The following BTAF1 variants were observed in gnomAD, a reference collection of about 807,000 sequenced individuals.
BTAF1 encodes TATA-binding protein-associated factor 172.
Under a neutral mutation model 227.1 loss-of-function variants are expected in BTAF1, and 38 were observed. That is an observed-to-expected ratio of 0.17 (90% CI 0.13 to 0.22). BTAF1 has a LOEUF of 0.22. Ranked by LOEUF, BTAF1 falls within the 10% of genes least tolerant of loss-of-function variation. The pLI, the probability that BTAF1 is intolerant of heterozygous loss-of-function variation, is 1.00. For synonymous variants in BTAF1, 742 were observed against 751.9 expected (o/e 0.99, Z 0.21); for missense variants, 1,598 against 2,204.0 (o/e 0.73, Z 5.51).
chr10:92,026,834 T>C, intron 36 of BTAF1, 83 bp downstream of exon 36: 2 of 1,425,282 alleles, frequency 1.4e-6, no homozygotes, highest in Non-Finnish European at 1.9e-6. Flanking sequence ...TTGGTTTAGT[T>C]CTTGCTCTGG....
At chr10:91,936,540 A>G (rs1389400309) in intron 2 of BTAF1, among the ~76,000 whole-genome samples, 1 of 150,118 alleles carries the variant, frequency 6.7e-6, no homozygotes, top group Non-Finnish European at 1.5e-5. Flanking sequence ...TTCTCAGCAT[A>G]CACATCTGTA....
At chr10:92,014,061 G>GC in intron 32 of BTAF1, 32 bp downstream of exon 32, 2 of 1,593,148 alleles carry the variant, frequency 1.3e-6, no homozygotes, top group Non-Finnish European at 1.7e-6. Context: ...ATTGTTAGTG[G>GC]TATGTTTATT....
chr10:92,022,610 A>C (rs1851217807), intron 34 of BTAF1, among the ~76,000 whole-genome samples: 1 of 151,954 alleles, frequency 6.6e-6, no homozygotes, highest in African/African-American at 2.4e-5. Context: ...TAGAGATGGG[A>C]TCTTCCTATG....
chr10:91,943,748 C>G (rs1202852247), intron 4 of BTAF1, among the ~76,000 whole-genome samples: 1 of 152,154 alleles, frequency 6.6e-6, no homozygotes, highest in Non-Finnish European at 1.5e-5. Flanking sequence ...AGTTTACTAA[C>G]TTTACTAGTG....
At chr10:91,981,532 A>T in intron 15 of BTAF1, 111 bp from the exon 16 acceptor site, 2 of 1,119,112 alleles carry the variant, frequency 1.8e-6, no homozygotes, top group Non-Finnish European at 2.4e-6. Context: ...TTTCTAAATT[A>T]ATCTCTGTGC....
chr10:91,974,365 C>T (rs982103043), intron 14 of BTAF1, among the ~76,000 whole-genome samples: 1 of 152,178 alleles, frequency 6.6e-6, no homozygotes, highest in African/African-American at 2.4e-5. Flanking sequence ...GCATGCACAT[C>T]TCTAAAATGT....
intron 1 of BTAF1, among the ~76,000 whole-genome samples, chr10:91,931,728 G>A (rs1844287318): frequency 1.3e-5 from 2 of 152,162 alleles, no homozygotes; most frequent in African/African-American, 4.8e-5. Flanking sequence ...TACCCTGCTT[G>A]CCTCATAGCT....
At chr10:91,935,974 C>G (rs755013461) in intron 2 of BTAF1, among the ~76,000 whole-genome samples, 194 bp downstream of exon 2, 2 of 147,626 alleles carry the variant, frequency 1.4e-5, no homozygotes, top group Non-Finnish European at 3.0e-5. Context: ...GAGTATAGAT[C>G]GTTTTGCCTG....
intron 21 of BTAF1, among the ~76,000 whole-genome samples, chr10:91,993,129 T>C (rs1348288387): frequency 6.6e-6 from 1 of 152,218 alleles, no homozygotes; most frequent in African/African-American, 2.4e-5. Flanking sequence ...ATAATAATTG[T>C]AATAAAAATT....
chr10:91,994,549 C>T lies in BTAF1; in HGVS notation c.3214C>T (p.Leu1072=), dbSNP rs1849009660. 1.2e-6 allele frequency: 2 copies of T among 1,611,348 alleles called. No homozygotes were observed. Among genetic ancestry groups the T allele is most frequent in the Admixed American group, 1.7e-5 (1 of 59,704 alleles). The change falls in exon 23 of 38, where the codon CTG becomes TTG. Residue 1072 remains leucine (L), a synonymous_variant. Coordinates refer to ENST00000265990, the MANE Select transcript of BTAF1 (RefSeq NM_003972.3). ...DINNFDGKSL[L]DKGDSPAQEL... The stretch of plus-strand genomic sequence containing the variant: ...TATTTTAACAGATGGAAAATCCCTC[C>T]TGGATAAGGGAGATAGCCCTGCTCA...
At chr10:91,932,022 T>C (rs1844305145) in intron 1 of BTAF1, among the ~76,000 whole-genome samples, 1 of 152,112 alleles carries the variant, frequency 6.6e-6, no homozygotes, top group Non-Finnish European at 1.5e-5. Context: ...GGCATTTGGC[T>C]GGTGGGAGAG....
At chr10:91,958,075 G>A (rs1281481638) in intron 8 of BTAF1, among the ~76,000 whole-genome samples, 3 of 152,026 alleles carry the variant, frequency 2.0e-5, no homozygotes, top group Non-Finnish European at 4.4e-5. Flanking sequence ...TTGAGATGGA[G>A]TCTCACTCTG....
chr10:91,945,450 C>A (rs1038695897), intron 4 of BTAF1, among the ~76,000 whole-genome samples: 1 of 152,082 alleles, frequency 6.6e-6, no homozygotes, highest in Non-Finnish European at 1.5e-5. Flanking sequence ...ATCCCCATTT[C>A]CCCCTTTCCC....
chr10:91,924,135 A>G, intron 1 of BTAF1, 45 bp downstream of exon 1: 1 of 1,599,544 alleles, frequency 6.3e-7, no homozygotes, highest in Non-Finnish European at 8.5e-7. Flanking sequence ...GATTCAGGGA[A>G]GGCATGGTCT....
intron 14 of BTAF1, among the ~76,000 whole-genome samples, chr10:91,973,498 TAATC>T (rs1317041918): frequency 1.3e-5 from 2 of 152,130 alleles, no homozygotes; most frequent in African/African-American, 4.8e-5. Flanking sequence ...GTGATAATAA[TAATC>T]TAAGCTGTTG....
At chr10:91,939,875 A>G (rs1844875986) in intron 2 of BTAF1, 77 bp from the exon 3 acceptor site, 1 of 878,120 alleles carries the variant, frequency 1.1e-6, no homozygotes. Context: ...TAACAAGTAA[A>G]TTTGTATTTC....
At chr10:91,965,817 C>A (rs1846869249) in intron 13 of BTAF1, among the ~76,000 whole-genome samples, 3 of 151,040 alleles carry the variant, frequency 2.0e-5, no homozygotes, top group African/African-American at 7.4e-5. Flanking sequence ...AAAATAAATA[C>A]AAGAAGGTAG....
intron 20 of BTAF1, among the ~76,000 whole-genome samples, chr10:91,991,265 A>AATATATATATAT (rs375232605): frequency 1.1e-5 from 1 of 90,090 alleles, no homozygotes; most frequent in Admixed American, 1.5e-4. Context: ...TATAAATATA[A>AATATATATATAT]ATATAAATAT....
chr10:91,995,719 G>A (rs890253795), intron 23 of BTAF1, among the ~76,000 whole-genome samples: 3 of 151,682 alleles, frequency 2.0e-5, no homozygotes, highest in Non-Finnish European at 4.4e-5. Flanking sequence ...CCATCTGTAC[G>A]CTCTTAATCT....
Sources: gnomAD v4.1 joint callset for allele counts (sites outside exome capture counted in the v4.1 genomes callset) on GRCh38, gnomAD v4.1.1 for gene constraint, MANE v1.5 for transcripts, NCBI Gene and HGNC (gene_info 2026-07-23, HGNC 2026-07-21) for gene names.